The following PCDHA9 variants were observed in gnomAD, a reference collection of about 807,000 sequenced individuals.
PCDHA9 encodes protocadherin alpha 9, also known as protocadherin alpha-9.
In PCDHA9, 62 loss-of-function variants were observed where a neutral mutation model predicts 62.0. The ratio of observed to expected loss-of-function variants is 1.00; its 90% CI spans 0.81 to 1.23. The LOEUF (loss-of-function observed/expected upper bound fraction) is 1.23, where lower values mean the gene tolerates loss of function less well. PCDHA9 is among the 50% of genes most tolerant of loss of function. The probability of loss-of-function intolerance (pLI) is 0.00; values close to 1 mark genes in which losing one functional copy is unlikely to be tolerated. For missense variants in PCDHA9, 1,205 were observed against 1,249.8 expected (o/e 0.96, Z 0.54); for synonymous variants, 557 against 567.6 (o/e 0.98, Z 0.27).
At chr5:140,904,519 A>C (rs576512079) in intron 1 of PCDHA9, among the ~76,000 whole-genome samples, 2 of 152,174 alleles carry the variant, frequency 1.3e-5, no homozygotes, top group Non-Finnish European at 2.9e-5. Context: ...GTGCTGCTAT[A>C]AACTTGTGTG....
intron 1 of PCDHA9, among the ~76,000 whole-genome samples, chr5:140,898,428 A>G (rs1554187988): frequency 2.6e-5 from 4 of 152,132 alleles, no homozygotes; most frequent in Non-Finnish European, 5.9e-5. Flanking sequence ...TTTTCCCAGC[A>G]CCATTTATTA....
At chr5:140,971,510 A>G (rs1166115283) in intron 1 of PCDHA9, among the ~76,000 whole-genome samples, 3 of 152,152 alleles carry the variant, frequency 2.0e-5, no homozygotes, top group Non-Finnish European at 2.9e-5. Flanking sequence ...TAGGAGCAAA[A>G]GCCACTCAGT....
intron 1 of PCDHA9, among the ~76,000 whole-genome samples, chr5:140,941,026 C>T (rs1330663914): frequency 6.6e-6 from 1 of 152,066 alleles, no homozygotes; most frequent in Admixed American, 6.5e-5. Flanking sequence ...TTCCTTCTGG[C>T]CTTTTTGGTG....
intron 1 of PCDHA9, among the ~76,000 whole-genome samples, chr5:140,954,933 CTT>C (rs2095111807): frequency 6.6e-6 from 1 of 152,044 alleles, no homozygotes; most frequent in East Asian, 1.9e-4. Flanking sequence ...TTTAATTAAT[CTT>C]GAGTTAATTT....
chr5:141,010,398 G>C lies in PCDHA9; in HGVS notation c.*461G>C. The C allele has an allele frequency of 7.6e-7, 1 of 1,323,994 alleles. No individual in the cohort carries two copies. Among genetic ancestry groups the C allele is most frequent in the South Asian group, 1.5e-5 (1 of 66,476 alleles). 82.0% of individuals were successfully genotyped at this position (1,323,994 alleles called of 1,614,324 possible). A position where few individuals can be genotyped will look rare whatever the true frequency, so the allele number is the denominator to read the frequency against. ...GCCAGATATTGGCTGAGACGAGCCA[G>C]CTTAGACTAATTGGTACAAGGAAGG... On this transcript the variant is annotated 3_prime_UTR_variant, in exon 4 of 4. Transcript: ENST00000532602.
intron 1 of PCDHA9, chr5:140,851,237 G>C (rs782702575): frequency 3.6e-6 from 4 of 1,101,536 alleles, no homozygotes; most frequent in Non-Finnish European, 4.6e-6. Flanking sequence ...TTTATTTATT[G>C]CTAAATGATG....
chr5:140,955,557 C>T (rs1281978824), intron 1 of PCDHA9, among the ~76,000 whole-genome samples: 1 of 152,114 alleles, frequency 6.6e-6, no homozygotes, highest in East Asian at 1.9e-4. Flanking sequence ...GCCTCCCCAG[C>T]CATACTGAAC....
At chr5:140,858,508 T>C (rs1554151704) in intron 1 of PCDHA9, 2 of 1,443,968 alleles carry the variant, frequency 1.4e-6, no homozygotes, top group East Asian at 2.5e-5. Context: ...TTTTCTCAAA[T>C]ATGTATCAGA....
intron 1 of PCDHA9, among the ~76,000 whole-genome samples, chr5:140,903,619 A>T (rs1272385465): frequency 1.3e-5 from 2 of 152,226 alleles, no homozygotes; most frequent in African/African-American, 2.4e-5. Flanking sequence ...ATGAATGTGC[A>T]TGCATATGTA....
intron 3 of PCDHA9, among the ~76,000 whole-genome samples, chr5:141,007,967 G>A (rs1191510244): frequency 6.6e-6 from 1 of 152,176 alleles, no homozygotes; most frequent in Admixed American, 6.5e-5. Flanking sequence ...TTCTCTGGGT[G>A]TCTGTCATGT....
At chr5:140,979,078 A>G (rs2240296) in intron 2 of PCDHA9, 71 bp downstream of exon 2, 2 of 1,583,496 alleles carry the variant, frequency 1.3e-6, no homozygotes, top group East Asian at 4.5e-5. Flanking sequence ...CTGCATCTCC[A>G]TAGGCCAGAA....
intron 1 of PCDHA9, among the ~76,000 whole-genome samples, chr5:140,959,596 A>G (rs2095498979): frequency 6.6e-6 from 1 of 152,224 alleles, no homozygotes; most frequent in Non-Finnish European, 1.5e-5. Flanking sequence ...AGCCAAGTAT[A>G]ACATGCTTTT....
rs760426957 is a variant in PCDHA9, at chr5:141,009,783, G to A, written c.2699G>A (p.Arg900Gln). 2.5e-6 allele frequency: 4 copies of A among 1,613,880 alleles called. No individual in the cohort carries two copies. Among genetic ancestry groups the A allele is most frequent in the Admixed American group, 3.3e-5 (2 of 59,976 alleles). Reference protein sequence around the residue: ...IPGSPAIISIRQEPTNSQIDK... With the variant: ...IPGSPAIISIQQEPTNSQIDK... ...GGATCTCCTGCAATCATCTCCATCC[G>A]GCAGGAGCCTACTAACAGCCAAATT... is the stretch of plus-strand genomic sequence containing the variant. Residue 900 changes from arginine (R) to glutamine (Q), a missense_variant, in exon 4 of 4, where the codon CGG becomes CAG. Transcript: ENST00000532602.
At chr5:140,977,256 C>T (rs1304967733) in intron 1 of PCDHA9, among the ~76,000 whole-genome samples, 1 of 152,164 alleles carries the variant, frequency 6.6e-6, no homozygotes, top group Non-Finnish European at 1.5e-5. Flanking sequence ...CATTTCTCAG[C>T]AGATGTTACA....
At chr5:140,863,032 G>T (rs781870887) in intron 1 of PCDHA9, 2 of 556,874 alleles carry the variant, frequency 3.6e-6, no homozygotes, top group East Asian at 9.4e-5. Context: ...CGCAACAGCT[G>T]CATCTGTCAG....
chr5:141,007,981 T>C (rs1346324109), intron 3 of PCDHA9, among the ~76,000 whole-genome samples: 1 of 152,260 alleles, frequency 6.6e-6, no homozygotes, highest in African/African-American at 2.4e-5. Context: ...GTCATGTATA[T>C]ATGAAATGTA....
intron 1 of PCDHA9, among the ~76,000 whole-genome samples, chr5:140,889,562 T>C (rs2062274153): frequency 6.6e-6 from 1 of 152,224 alleles, no homozygotes; most frequent in Non-Finnish European, 1.5e-5. Flanking sequence ...TTCAGAATTC[T>C]GCTTTCTGAT....
chr5:140,924,896 AAAAAAAAAAT>A (rs1244420537), intron 1 of PCDHA9, among the ~76,000 whole-genome samples: 4 of 69,138 alleles, frequency 5.8e-5, no homozygotes, highest in African/African-American at 1.0e-4. Flanking sequence ...ACCTGTCTCA[AAAAAAAAAAT>A]AAAATAAAAT....
intron 1 of PCDHA9, chr5:140,870,398 C>T: frequency 1.2e-6 from 2 of 1,614,234 alleles, no homozygotes; most frequent in Non-Finnish European, 1.7e-6. Context: ...GGGGGTTCGC[C>T]TTCTCTGTGG....
Sources: gnomAD v4.1 joint callset for allele counts (sites outside exome capture counted in the v4.1 genomes callset) on GRCh38, gnomAD v4.1.1 for gene constraint, MANE v1.5 for transcripts, NCBI Gene and HGNC (gene_info 2026-07-23, HGNC 2026-07-21) for gene names.